Variants in SYTL5 observed in about 807,000 individuals in gnomAD.
SYTL5 encodes the protein synaptotagmin-like protein 5.
A neutral mutation model predicts 55.9 loss-of-function variants in SYTL5; 34 were observed. The ratio of observed to expected loss-of-function variants is 0.61; its 90% CI spans 0.46 to 0.81. The LOEUF is 0.81. Among genes scored for constraint, SYTL5 ranks in the 30% least tolerant of loss-of-function variants. The pLI is 0.00. For synonymous variants in SYTL5, 221 were observed against 188.7 expected (o/e 1.17, Z -1.40); for missense variants, 637 against 546.7 (o/e 1.17, Z -1.65).
chrX:38,120,378 T>A lies in SYTL5; in HGVS notation c.1617T>A (p.Ile539=), dbSNP rs757256246. 1 of 1,208,749 alleles carries A rather than the reference T, an allele frequency of 8.3e-7. No individual in the cohort carries two copies. Among genetic ancestry groups the A allele is most frequent in the Non-Finnish European group, 1.1e-6 (1 of 894,167 alleles). The change falls in exon 14 of 17, where the codon ATT becomes ATA. Residue 539 remains isoleucine, a synonymous_variant. Coordinates refer to ENST00000297875, the MANE Select transcript of SYTL5 (RefSeq NM_138780.3). The part of the protein sequence containing the change: ...LQPKVEFAPD[I]GLQYKGELTV... ...GCCAGGTGGAGTTTGCTCCTGATAT[T>A]GGCCTTCAATACAAAGGAGAGCTGA... is the stretch of plus-strand genomic sequence containing the variant.
the SYTL5 span, among the ~76,000 whole-genome samples, chrX:37,943,923 T>A: frequency 9.0e-6 from 1 of 111,527 alleles, no homozygotes; most frequent in Admixed American, 9.5e-5. Context: ...AGTCCAGACC[T>A]ACCCCTTTAT....
chrX:38,055,550 T>C lies in SYTL5; in HGVS notation c.329+1128T>C, dbSNP rs146605633. On this transcript the variant is annotated intron_variant, in intron 3 of 16. Coordinates refer to ENST00000297875, the MANE Select transcript of SYTL5 (RefSeq NM_138780.3). ...AGTGTTCATCTACCTTTCCTGTGAA[T>C]CCAATTCATTGGTTTTTGTTTTGTT... is the stretch of plus-strand genomic sequence containing the variant. 9.6e-3 allele frequency among the ~76,000 whole-genome samples: 1,074 copies of C among 111,955 alleles called. 5 individuals carry two copies. Among genetic ancestry groups the C allele is most frequent in the South Asian group, 0.022 (58 of 2,646 alleles).
At chrX:37,916,693 A>T in the SYTL5 span, among the ~76,000 whole-genome samples, 1 of 112,308 alleles carries the variant, frequency 8.9e-6, no homozygotes, top group Admixed American at 9.5e-5. Context: ...GATTTTTAAT[A>T]AACTTTATTT....
At chrX:38,085,648 T>A (rs966273041) in intron 6 of SYTL5, among the ~76,000 whole-genome samples, 1 of 111,568 alleles carries the variant, frequency 9.0e-6, no homozygotes, top group Admixed American at 9.5e-5. Flanking sequence ...TGCACATTAG[T>A]CTCATTGTCC....
At position 38,127,266 on chromosome X, in the gene SYTL5, G is replaced by A. The variant is rs1937679470; in HGVS notation, c.*536G>A. ...ATTAACCAAGTAGTATTTCAAGATGGATTGACAGGGCTTTCTATGATTACT... is the reference window on the plus strand; with the variant it reads ...ATTAACCAAGTAGTATTTCAAGATGAATTGACAGGGCTTTCTATGATTACT... On this transcript the variant is annotated 3_prime_UTR_variant, in exon 17 of 17. Coordinates refer to ENST00000297875, the MANE Select transcript of SYTL5 (RefSeq NM_138780.3). 8.9e-6 allele frequency: 1 copy of A among 111,962 alleles called. No individual in the cohort carries two copies. Among genetic ancestry groups the A allele is most frequent in the Non-Finnish European group, 1.9e-5 (1 of 53,293 alleles). The allele number at this position is 111,962 out of a possible 1,213,427, so 9.2% of individuals were successfully genotyped here.
the SYTL5 span, among the ~76,000 whole-genome samples, chrX:37,979,919 A>G: frequency 9.2e-6 from 1 of 109,034 alleles, no homozygotes; most frequent in Non-Finnish European, 1.9e-5. Flanking sequence ...CCATTAACTC[A>G]TCATTTACAT....
In SYTL5 at chrX:38,076,597, C is replaced by A. The variant is rs769890265; in HGVS notation, c.585C>A (p.Thr195=). 5 of 1,204,481 alleles carry A rather than the reference C, an allele frequency of 4.2e-6. No homozygotes were observed. The highest frequency in any genetic ancestry group is 2.2e-5 in the Admixed American group (1 of 45,556). ...GFLLSKFRSA[T]RGEIITPKTD... ...TTCTTAGCAAGTTCAGATCGGCAAC[C>A]AGAGGAGAAATCATAACTCCCAAAA... The change falls in exon 6 of 17, where the codon ACC becomes ACA. Residue 195 remains threonine (T), a synonymous_variant. Transcript: ENST00000297875.
At chrX:38,037,828 A>AGATAGATG (rs981270063) in intron 2 of SYTL5, among the ~76,000 whole-genome samples, 1 of 111,246 alleles carries the variant, frequency 9.0e-6, no homozygotes, top group African/African-American at 3.3e-5. Flanking sequence ...ATAGATAGAT[A>AGATAGATG]GATAGATAAA....
At chrX:37,905,435 GT>G in the SYTL5 span, among the ~76,000 whole-genome samples, 4 of 96,643 alleles carry the variant, frequency 4.1e-5, no homozygotes, top group African/African-American at 8.2e-5. Flanking sequence ...TGGTGTGTGT[GT>G]GTGGGGGGGG....
chrX:37,955,699 T>C, the SYTL5 span, among the ~76,000 whole-genome samples: 2 of 111,795 alleles, frequency 1.8e-5, no homozygotes, highest in Non-Finnish European at 3.8e-5. Flanking sequence ...AATTTATGAT[T>C]ATCTTTCCCT....
chrX:38,110,512 T>G, intron 13 of SYTL5, 30 bp downstream of exon 13: 1 of 1,094,035 alleles, frequency 9.1e-7, no homozygotes, highest in Non-Finnish European at 1.2e-6. Context: ...TAGTCAGTTA[T>G]GCAATGAGAC....
chrX:37,958,816 A>G, the SYTL5 span, among the ~76,000 whole-genome samples: 1 of 112,679 alleles, frequency 8.9e-6, no homozygotes, highest in African/African-American at 3.2e-5. Context: ...CCTATTAAAG[A>G]TGGAGAAAAT....
the SYTL5 span, chrX:37,991,303 G>A: frequency 1.9e-6 from 2 of 1,076,950 alleles, no homozygotes; most frequent in African/African-American, 1.9e-5. Flanking sequence ...ATTAAAGGAT[G>A]TAAATCCATG....
chrX:37,972,903 T>C, the SYTL5 span, among the ~76,000 whole-genome samples: 1 of 108,550 alleles, frequency 9.2e-6, no homozygotes, highest in East Asian at 2.9e-4. Context: ...AAAGATAAAG[T>C]ATTGTGGAGA....
At chrX:37,937,118 A>C in the SYTL5 span, among the ~76,000 whole-genome samples, 8 of 109,388 alleles carry the variant, frequency 7.3e-5, no homozygotes, top group African/African-American at 2.7e-4. Context: ...CCATGATTCC[A>C]GGTCCCAATC....
chrX:38,019,659 T>G (rs1371035845), intron 1 of SYTL5, among the ~76,000 whole-genome samples: 1 of 111,610 alleles, frequency 9.0e-6, no homozygotes, highest in Non-Finnish European at 1.9e-5. Flanking sequence ...AGACAAAGTC[T>G]CACTCTGTCG....
rs775577078 is a variant in SYTL5, at chrX:38,083,178, C to T, written c.690-6268C>T. 2.7e-5 allele frequency among the ~76,000 whole-genome samples: 3 copies of T among 111,420 alleles called. No homozygotes were observed. The East Asian group carries it at 8.5e-4, about 31-fold the overall frequency. On this transcript the variant is annotated intron_variant, in intron 6 of 16. Transcript: ENST00000297875. ...TGGCTGCTGGCCTCTCTCCTCAAAA[C>T]GGCTTCTGGTCATTATTTAGAAATA... is the stretch of plus-strand genomic sequence containing the variant.
chrX:37,974,051 A>G, the SYTL5 span, among the ~76,000 whole-genome samples: 1 of 111,793 alleles, frequency 8.9e-6, no homozygotes, highest in Non-Finnish European at 1.9e-5. Flanking sequence ...GTTGGTGGGT[A>G]GGAGAAACAG....
At chrX:38,058,500 G>A (rs900082148) in intron 3 of SYTL5, among the ~76,000 whole-genome samples, 1 of 109,868 alleles carries the variant, frequency 9.1e-6, no homozygotes, top group Admixed American at 9.7e-5. Flanking sequence ...GTGTGGCTTT[G>A]CTGGTGGTGA....
Sources: gnomAD v4.1 joint callset for allele counts (sites outside exome capture counted in the v4.1 genomes callset) on GRCh38, gnomAD v4.1.1 for gene constraint, MANE v1.5 for transcripts, NCBI Gene and HGNC (gene_info 2026-07-23, HGNC 2026-07-21) for gene names.